The following LIMCH1 variants were observed in gnomAD, a reference collection of about 807,000 sequenced individuals.
The protein encoded by LIMCH1 is LIM and calponin homology domains-containing protein 1.
LIMCH1 carries 113 observed loss-of-function variants against 176.5 expected under a neutral mutation model. The ratio of observed to expected loss-of-function variants is 0.64; its 90% confidence interval spans 0.55 to 0.75. The LOEUF is 0.75. Among genes scored for constraint, LIMCH1 ranks in the 30% least tolerant of loss-of-function variants. The probability of loss-of-function intolerance (pLI) is 0.00; values close to 1 mark genes in which losing one functional copy is unlikely to be tolerated. For synonymous variants in LIMCH1, 619 were observed against 645.9 expected (o/e 0.96, Z 0.63); for missense variants, 1,674 against 1,814.9 (o/e 0.92, Z 1.41).
chr4:41,494,425 A>C, intron 1 of LIMCH1: 1 of 685,648 alleles, frequency 1.5e-6, no homozygotes, highest in East Asian at 2.7e-5. Flanking sequence ...ATATATACAC[A>C]TACATAGTTA....
chr4:41,495,082 T>A (rs1239185847), intron 2 of LIMCH1, among the ~76,000 whole-genome samples: 2 of 152,228 alleles, frequency 1.3e-5, no homozygotes, highest in Non-Finnish European at 2.9e-5. Context: ...TCTGTGCTGT[T>A]GGCAAAATTT....
intron 1 of LIMCH1, among the ~76,000 whole-genome samples, chr4:41,464,021 G>A (rs1440143041): frequency 6.6e-6 from 1 of 151,850 alleles, no homozygotes; most frequent in Non-Finnish European, 1.5e-5. Flanking sequence ...TTTCTTTACA[G>A]TGGCATCTTT....
intron 1 of LIMCH1, among the ~76,000 whole-genome samples, chr4:41,390,716 C>G (rs2057137502): frequency 6.6e-6 from 1 of 152,124 alleles, no homozygotes; most frequent in African/African-American, 2.4e-5. Context: ...GTTAGGTACT[C>G]AGTAGGTTAC....
At chr4:41,655,608 A>G (rs1022594956) in intron 18 of LIMCH1, among the ~76,000 whole-genome samples, 12 of 152,130 alleles carry the variant, frequency 7.9e-5, no homozygotes, top group Non-Finnish European at 1.8e-4. Context: ...AAACATACAG[A>G]TGTGGACAGC....
At chr4:41,452,460 C>T (rs2064005568) in intron 1 of LIMCH1, among the ~76,000 whole-genome samples, 1 of 152,214 alleles carries the variant, frequency 6.6e-6, no homozygotes, top group Non-Finnish European at 1.5e-5. Context: ...ATTATGCCAA[C>T]TTATCCTTCT....
intron 2 of LIMCH1, 37 bp from the exon 3 acceptor site, chr4:41,603,838 A>G: frequency 6.6e-7 from 1 of 1,516,066 alleles, no homozygotes; most frequent in Non-Finnish European, 9.1e-7. Flanking sequence ...AGAATCTGCT[A>G]TTCTGACAAT....
chr4:41,393,683 C>T (rs1490856263), intron 1 of LIMCH1, among the ~76,000 whole-genome samples: 1 of 152,138 alleles, frequency 6.6e-6, no homozygotes, highest in African/African-American at 2.4e-5. Flanking sequence ...TAACAAATAC[C>T]ATGGCTTTAA....
exon 2 of LIMCH1, chr4:41,494,560 G>A: frequency 6.2e-7 from 1 of 1,613,140 alleles, no homozygotes; most frequent in Middle Eastern, 1.6e-4. Context: ...AAGTTTTGGT[G>A]ATAAAGATTT....
intron 31 of LIMCH1, among the ~76,000 whole-genome samples, chr4:41,694,411 CAG>C (rs1195998237): frequency 2.6e-5 from 4 of 152,148 alleles, no homozygotes; most frequent in African/African-American, 4.8e-5. Context: ...CATGTACACA[CAG>C]AGATACATAT....
intron 1 of LIMCH1, among the ~76,000 whole-genome samples, chr4:41,390,273 AGC>A (rs58594294): frequency 1.3e-5 from 2 of 150,490 alleles, no homozygotes; most frequent in African/African-American, 2.5e-5. Context: ...AGAGAGAGAG[AGC>A]GAGAGCGCTC....
chr4:41,532,304 C>G (rs938242189), intron 3 of LIMCH1, among the ~76,000 whole-genome samples: 1 of 152,176 alleles, frequency 6.6e-6, no homozygotes, highest in Non-Finnish European at 1.5e-5. Context: ...TTTGAAACAG[C>G]CTTTACAGTT....
At chr4:41,543,093 A>G (rs1283414110) in intron 1 of LIMCH1, among the ~76,000 whole-genome samples, 1 of 152,170 alleles carries the variant, frequency 6.6e-6, no homozygotes, top group Non-Finnish European at 1.5e-5. Flanking sequence ...TGTGGGGAAG[A>G]AGGTAACGCA....
chr4:41,532,186 G>A (rs965788145), intron 3 of LIMCH1, among the ~76,000 whole-genome samples: 3 of 152,150 alleles, frequency 2.0e-5, no homozygotes, highest in African/African-American at 4.8e-5. Context: ...CAAAACACAC[G>A]AGGTCTTTGG....
At chr4:41,687,683 T>TA (rs796360321) in intron 28 of LIMCH1, among the ~76,000 whole-genome samples, 157 bp from the exon 29 acceptor site, 1,760 of 147,698 alleles carry the variant, frequency 0.012, 29 homozygotes, top group African/African-American at 0.04. Flanking sequence ...TTTTGTTCAT[T>TA]AAAAAAAAAA....
At chr4:41,679,970 G>A (rs1425956907) in intron 23 of LIMCH1, 36 bp from the exon 24 acceptor site, 2 of 1,429,090 alleles carry the variant, frequency 1.4e-6, no homozygotes, top group Admixed American at 3.6e-5. Flanking sequence ...GTATGCAATG[G>A]TCAGTTGAGA....
intron 1 of LIMCH1, among the ~76,000 whole-genome samples, chr4:41,420,941 G>A (rs911549617): frequency 6.6e-6 from 1 of 152,206 alleles, no homozygotes; most frequent in East Asian, 1.9e-4. Context: ...TCAAAAAGGT[G>A]CATACAAGGC....
At chr4:41,391,104 G>T (rs2057183194) in intron 1 of LIMCH1, among the ~76,000 whole-genome samples, 1 of 152,164 alleles carries the variant, frequency 6.6e-6, no homozygotes, top group Non-Finnish European at 1.5e-5. Flanking sequence ...CCACTACCCA[G>T]TTGCAACAAA....
At chr4:41,579,988 A>G (rs1263998646) in intron 1 of LIMCH1, among the ~76,000 whole-genome samples, 2 of 152,162 alleles carry the variant, frequency 1.3e-5, no homozygotes, top group African/African-American at 4.8e-5. Flanking sequence ...CGGGGAGGGC[A>G]CCACCAGGCT....
intron 2 of LIMCH1, among the ~76,000 whole-genome samples, chr4:41,516,994 A>T (rs1583394503): frequency 6.6e-6 from 1 of 152,278 alleles, no homozygotes; most frequent in East Asian, 1.9e-4. Context: ...GTAAGTAATA[A>T]ACCCCTAAAT....
Sources: gnomAD v4.1 joint callset for allele counts (sites outside exome capture counted in the v4.1 genomes callset) on GRCh38, gnomAD v4.1.1 for gene constraint, MANE v1.5 for transcripts, NCBI Gene and HGNC (gene_info 2026-07-23, HGNC 2026-07-21) for gene names.